The following ZC3H15 variants were observed in gnomAD, a reference collection of about 807,000 sequenced individuals.
ZC3H15 encodes the protein zinc finger CCCH domain-containing protein 15.
ZC3H15 carries 15 observed loss-of-function variants against 51.2 expected under a neutral mutation model. The ratio of observed to expected loss-of-function variants is 0.29; its 90% CI spans 0.20 to 0.45. The LOEUF (loss-of-function observed/expected upper bound fraction) is 0.45, where lower values mean the gene tolerates loss of function less well. Ranked by LOEUF, ZC3H15 falls within the 20% of genes least tolerant of loss-of-function variation. ZC3H15 has a pLI of 1.00. For synonymous variants in ZC3H15, 144 were observed against 162.8 expected (o/e 0.88, Z 0.88); for missense variants, 381 against 494.7 (o/e 0.77, Z 2.18).
intron 2 of ZC3H15, among the ~76,000 whole-genome samples, chr2:186,496,030 A>G (rs577627090): frequency 3.3e-5 from 5 of 152,156 alleles, no homozygotes; most frequent in Non-Finnish European, 7.3e-5. Context: ...CATTGCAGAT[A>G]ATTGGTGATA....
At chr2:186,501,142 C>A in intron 3 of ZC3H15, 131 bp from the exon 4 acceptor site, 1 of 835,844 alleles carries the variant, frequency 1.2e-6, no homozygotes, top group Non-Finnish European at 1.7e-6. Flanking sequence ...GCTAATCACC[C>A]ATAAGTGCCG....
chr2:186,487,017 G>T (rs1685107467), intron 1 of ZC3H15: 1 of 152,466 alleles, frequency 6.6e-6, no homozygotes, highest in South Asian at 2.1e-4. Flanking sequence ...GGTCTTGAAC[G>T]CAGAGCTTGG....
intron 2 of ZC3H15, among the ~76,000 whole-genome samples, chr2:186,496,454 G>C (rs1685283920): frequency 6.6e-6 from 1 of 152,154 alleles, no homozygotes; most frequent in Non-Finnish European, 1.5e-5. Flanking sequence ...CGCCTGCCTT[G>C]GCCTCCCAAA....
chr2:186,504,261 T>C (rs1289402186), intron 6 of ZC3H15, 47 bp downstream of exon 6: 1 of 1,473,806 alleles, frequency 6.8e-7, no homozygotes, highest in Non-Finnish European at 9.0e-7. Context: ...GCAGTATTTA[T>C]TGTGAAATTC....
chr2:186,493,554 T>C (rs1685232605), intron 1 of ZC3H15, among the ~76,000 whole-genome samples: 1 of 152,142 alleles, frequency 6.6e-6, no homozygotes. Flanking sequence ...AGAAGCTCAC[T>C]AGTCAAGCCT....
intron 3 of ZC3H15, 123 bp downstream of exon 3, chr2:186,500,416 C>A: frequency 3.5e-6 from 3 of 853,374 alleles, no homozygotes; most frequent in South Asian, 1.8e-5. Flanking sequence ...AATGTTACTC[C>A]ATCAAAATTA....
At chr2:186,503,896 C>T in intron 5 of ZC3H15, 136 bp from the exon 6 acceptor site, 1 of 618,148 alleles carries the variant, frequency 1.6e-6, no homozygotes, top group Non-Finnish European at 2.5e-6. Flanking sequence ...ACAGAGCACC[C>T]TTATGTGCAG....
At chr2:186,496,080 A>C (rs74716726) in intron 2 of ZC3H15, among the ~76,000 whole-genome samples, 1 of 152,186 alleles carries the variant, frequency 6.6e-6, no homozygotes, top group African/African-American at 2.4e-5. Context: ...TTTAACTTAC[A>C]TGTATATATA....
chr2:186,508,745 T>C lies in ZC3H15; in HGVS notation c.*12T>C, dbSNP rs1412745264. 1.1e-5 allele frequency: 18 copies of C among 1,611,128 alleles called. No homozygotes were observed. The highest frequency in any genetic ancestry group is 1.5e-5 in the Non-Finnish European group (18 of 1,178,138). On this transcript the variant is annotated 3_prime_UTR_variant, in exon 10 of 10. Coordinates refer to ENST00000337859, the MANE Select transcript of ZC3H15 (RefSeq NM_018471.3). The stretch of plus-strand genomic sequence containing the variant: ...ATTTAGAAGAATGACACCAAACACA[T>C]CGCTGAAAAAATTAAGTCAGCTCAG...
chr2:186,506,171 T>C, intron 8 of ZC3H15: 1 of 368,746 alleles, frequency 2.7e-6, no homozygotes, highest in Non-Finnish European at 5.2e-6. Flanking sequence ...GAGTTATTTT[T>C]TGGTTAATAT....
chr2:186,503,916 G>C (rs1685426545), intron 5 of ZC3H15, 116 bp from the exon 6 acceptor site: 1 of 771,708 alleles, frequency 1.3e-6, no homozygotes. Context: ...GAAATGAATA[G>C]AATGTACTTG....
chr2:186,507,901 T>C (rs549651155), intron 9 of ZC3H15, among the ~76,000 whole-genome samples: 3 of 152,168 alleles, frequency 2.0e-5, no homozygotes, highest in Non-Finnish European at 4.4e-5. Context: ...TTCCCAAGAC[T>C]TTGTCATCAG....
chr2:186,487,332 C>T (rs1246227837), intron 1 of ZC3H15: 2 of 152,168 alleles, frequency 1.3e-5, no homozygotes, highest in Non-Finnish European at 1.5e-5. Context: ...TTTGACATTA[C>T]GTAAACATAC....
intron 1 of ZC3H15, among the ~76,000 whole-genome samples, chr2:186,489,529 T>C (rs918963454): frequency 6.6e-6 from 1 of 152,162 alleles, no homozygotes; most frequent in African/African-American, 2.4e-5. Flanking sequence ...CTGGTTAACT[T>C]TGGGAGGTTT....
rs1039983340 is a variant in ZC3H15 at position 186,503,932 on chromosome 2, T to A, written c.535-100T>A. 4.4e-6 allele frequency: 4 copies of A among 910,072 alleles called. No individual in the cohort carries two copies. The Admixed American group carries it at 8.7e-5, about 20-fold the overall frequency. The allele number at this position is 910,072 out of a possible 1,614,324, so 56.4% of individuals were successfully genotyped here. A position where few individuals can be genotyped will look rare whatever the true frequency, so the allele number is the denominator to read the frequency against. On this transcript the variant is annotated intron_variant, in intron 5 of 9. Coordinates refer to ENST00000337859, the MANE Select transcript of ZC3H15 (RefSeq NM_018471.3). The stretch of plus-strand genomic sequence containing the variant: ...AAATGAATAGAATGTACTTGTGTAA[T>A]ATAACGTACTTGTGTGTATACTTGT...
chr2:186,503,659 G>A (rs1020688267), intron 5 of ZC3H15, among the ~76,000 whole-genome samples: 13 of 152,176 alleles, frequency 8.5e-5, no homozygotes, highest in Non-Finnish European at 1.6e-4. Context: ...GGGATTATAG[G>A]TGTAAGCCAC....
chr2:186,490,724 C>G (rs898441452), intron 1 of ZC3H15, among the ~76,000 whole-genome samples: 1 of 152,164 alleles, frequency 6.6e-6, no homozygotes, highest in South Asian at 2.1e-4. Context: ...GAGGCTGGCC[C>G]GTAAAAGGAA....
chr2:186,498,733 C>A (rs1685328244), intron 2 of ZC3H15, among the ~76,000 whole-genome samples: 2 of 152,022 alleles, frequency 1.3e-5, no homozygotes, highest in Admixed American at 1.3e-4. Context: ...TTTTATTGGA[C>A]TTTTTAGGTT....
rs992538534 is a variant in ZC3H15 at position 186,509,047 on chromosome 2, T to C, written c.*314T>C. ...ATCTTTTGGTTTTCATTTGGGCATG[T>C]GCTATTACCAGAAACAACAAACTTA... On this transcript the variant is annotated 3_prime_UTR_variant, in exon 10 of 10. Coordinates refer to ENST00000337859, the MANE Select transcript of ZC3H15 (RefSeq NM_018471.3). 9 of 495,050 alleles carry C rather than the reference T, an allele frequency of 1.8e-5. No individual in the cohort carries two copies. Among genetic ancestry groups the C allele is most frequent in the African/African-American group, 3.9e-5 (2 of 51,684 alleles). The allele number at this position is 495,050 out of a possible 1,614,324, so 30.7% of individuals were successfully genotyped here.
Sources: allele counts gnomAD v4.1 joint callset (sites outside exome capture counted in the v4.1 genomes callset), GRCh38; gene constraint gnomAD v4.1.1; transcripts MANE v1.5; gene names NCBI Gene and HGNC (gene_info 2026-07-23, HGNC 2026-07-21).